Variants in DAG1 observed in about 807,000 individuals in gnomAD.
The protein encoded by DAG1 is dystroglycan 1 (dystrophin-associated glycoprotein 1).
In DAG1, 8 loss-of-function variants were observed where a neutral mutation model predicts 46.1. The ratio of observed to expected loss-of-function variants is 0.17; its 90% confidence interval spans 0.10 to 0.31. DAG1 has a LOEUF of 0.31. Among genes scored for constraint, DAG1 ranks in the 10% least tolerant of loss-of-function variants. DAG1 has a pLI of 1.00. For synonymous variants in DAG1, 495 were observed against 481.8 expected, an observed-to-expected ratio of 1.03 and a Z score of -0.36; for missense variants, 1,003 against 1,189.9, an observed-to-expected ratio of 0.84 and a Z score of 2.31.
intron 1 of DAG1, among the ~76,000 whole-genome samples, chr3:49,475,740 A>G (rs2049665370): frequency 7.1e-6 from 1 of 141,546 alleles, no homozygotes; most frequent in African/African-American, 2.6e-5. Flanking sequence ...TCTGTCACCC[A>G]GGCTGGAGTG....
intron 1 of DAG1, among the ~76,000 whole-genome samples, chr3:49,486,234 T>A (rs559133387): frequency 1.4e-4 from 20 of 137,988 alleles, no homozygotes; most frequent in East Asian, 1.3e-3. Flanking sequence ...TTATTTATTT[T>A]TTGAGACGGA....
At chr3:49,500,315 G>A (rs953992951) in intron 1 of DAG1, among the ~76,000 whole-genome samples, 4 of 152,114 alleles carry the variant, frequency 2.6e-5, no homozygotes, top group African/African-American at 9.7e-5. Flanking sequence ...TACCTGGCCT[G>A]ACATTTTACT....
intron 2 of DAG1, among the ~76,000 whole-genome samples, chr3:49,518,128 C>G (rs1199870234): frequency 6.6e-6 from 1 of 152,066 alleles, no homozygotes; most frequent in Non-Finnish European, 1.5e-5. Flanking sequence ...CCTCCTAAGC[C>G]CCATGTGGGA....
chr3:49,512,833 T>A (rs1035433155), intron 2 of DAG1, among the ~76,000 whole-genome samples: 2 of 151,652 alleles, frequency 1.3e-5, no homozygotes, highest in Middle Eastern at 3.4e-3. Flanking sequence ...TTACAAAAAA[T>A]TTTTTTTAGA....
chr3:49,479,634 T>C (rs930036695), intron 1 of DAG1, among the ~76,000 whole-genome samples: 1 of 113,364 alleles, frequency 8.8e-6, no homozygotes, highest in Non-Finnish European at 1.8e-5. Flanking sequence ...ATTTCTTTTT[T>C]TTTTTTTTTT....
At position 49,533,270 on chromosome 3, in the gene DAG1, C is replaced by T. The variant is rs2051420328; in HGVS notation, c.*71C>T. ...ACGACATGGTGTTGTCTGTGGAGAC[C>T]GGTGGCCTGCAGACCATTGCCCACC... On this transcript the variant is annotated 3_prime_UTR_variant, in exon 3 of 3. Transcript: ENST00000308775. The T allele has an allele frequency of 1.4e-5, 22 of 1,588,866 alleles. No homozygotes were observed. Among genetic ancestry groups the T allele is most frequent in the South Asian group, 2.2e-5 (2 of 89,422 alleles).
rs1195024728 is a variant in DAG1 at position 49,519,499 on chromosome 3, A to G, written c.285+8680A>G. Among the ~76,000 whole-genome samples the G allele has an allele frequency of 6.6e-5, 10 of 152,294 alleles. No individual in the cohort carries two copies. In the South Asian group the frequency reaches 2.1e-3, roughly 32 times the overall value. On this transcript the variant is annotated intron_variant, in intron 2 of 2. Transcript: ENST00000308775. Reference sequence around the variant, plus strand: ...TTGGCTAGGAAGGGGAGTTCATGAAAGGAGCATTTCTTTGGATGCTTGAGA... The same window carrying G: ...TTGGCTAGGAAGGGGAGTTCATGAAGGGAGCATTTCTTTGGATGCTTGAGA...
chr3:49,527,252 C>T (rs570769038), intron 2 of DAG1, among the ~76,000 whole-genome samples: 4 of 150,528 alleles, frequency 2.7e-5, no homozygotes, highest in South Asian at 2.1e-4. Flanking sequence ...TTGCCGGGCG[C>T]GGTGGCTCAC....
In DAG1 at chr3:49,481,988, A is replaced by G. The variant is rs2049893531; in HGVS notation, c.-117+11555A>G. 2.0e-5 allele frequency among the ~76,000 whole-genome samples: 3 copies of G among 152,280 alleles called. No individual in the cohort carries two copies. In the South Asian group the frequency reaches 6.2e-4, roughly 32 times the overall value. On this transcript the variant is annotated intron_variant, in intron 1 of 2. Coordinates refer to ENST00000308775, the MANE Select transcript of DAG1 (RefSeq NM_004393.6). Reference sequence around the variant, plus strand: ...TGAATAAACTTTTATCATCGTCATCATTTCCTAAATGTTAGAACAACTATT... The same window carrying G: ...TGAATAAACTTTTATCATCGTCATCGTTTCCTAAATGTTAGAACAACTATT...
At chr3:49,474,811 T>TG (rs753714395) in intron 1 of DAG1, among the ~76,000 whole-genome samples, 1 of 23,066 alleles carries the variant, frequency 4.3e-5, no homozygotes, top group Non-Finnish European at 1.3e-4. Flanking sequence ...AATTAATTAG[T>TG]TTTTTTTTTT....
At chr3:49,481,007 C>A (rs1285632662) in intron 1 of DAG1, among the ~76,000 whole-genome samples, 8 of 144,446 alleles carry the variant, frequency 5.5e-5, no homozygotes, top group Admixed American at 6.8e-5. Context: ...GTGATCCGCC[C>A]GCTTCGGCCT....
intron 2 of DAG1, among the ~76,000 whole-genome samples, chr3:49,511,327 G>A (rs1216415722): frequency 2.0e-5 from 3 of 152,150 alleles, no homozygotes; most frequent in East Asian, 3.9e-4. Context: ...GCCATCCAGA[G>A]AACAATGGAA....
chr3:49,490,695 G>A (rs1043919312), intron 1 of DAG1, among the ~76,000 whole-genome samples: 2 of 150,888 alleles, frequency 1.3e-5, no homozygotes, highest in African/African-American at 2.4e-5. Context: ...TTAGCCTCCC[G>A]AGTAGCTGAG....
intron 1 of DAG1, among the ~76,000 whole-genome samples, chr3:49,500,255 C>T (rs751128721): frequency 5.3e-5 from 8 of 152,156 alleles, no homozygotes; most frequent in Non-Finnish European, 1.2e-4. Flanking sequence ...TCGTGATCTG[C>T]CCGCCTCAGC....
intron 1 of DAG1, among the ~76,000 whole-genome samples, chr3:49,500,567 G>A (rs369368054): frequency 7.2e-5 from 11 of 152,164 alleles, no homozygotes; most frequent in East Asian, 5.8e-4. Flanking sequence ...CCCACTACTC[G>A]AAAAAGAGCT....
At chr3:49,509,737 G>T (rs1275003888) in intron 1 of DAG1, among the ~76,000 whole-genome samples, 2 of 150,918 alleles carry the variant, frequency 1.3e-5, no homozygotes, top group South Asian at 2.1e-4. Flanking sequence ...ATATTTTATT[G>T]TTTTTTTTTG....
intron 1 of DAG1, among the ~76,000 whole-genome samples, chr3:49,473,084 CAA>C (rs948142633): frequency 4.8e-5 from 7 of 147,022 alleles, no homozygotes; most frequent in African/African-American, 1.3e-4. Context: ...GCCTGGGTGA[CAA>C]GAGCAAAACT....
chr3:49,501,137 A>C (rs574598685), intron 1 of DAG1, among the ~76,000 whole-genome samples: 247 of 152,340 alleles, frequency 1.6e-3, no homozygotes, highest in Non-Finnish European at 2.7e-3. Flanking sequence ...TGCTAAATGC[A>C]GAGCACTTAG....
intron 2 of DAG1, among the ~76,000 whole-genome samples, chr3:49,530,395 G>A (rs1336064430): frequency 6.6e-6 from 1 of 152,188 alleles, no homozygotes; most frequent in Non-Finnish European, 1.5e-5. Context: ...TGAGGCAAGG[G>A]TGGAAAGGAA....
Sources: gnomAD v4.1 joint callset for allele counts (sites outside exome capture counted in the v4.1 genomes callset) on GRCh38, gnomAD v4.1.1 for gene constraint, MANE v1.5 for transcripts, NCBI Gene and HGNC (gene_info 2026-07-23, HGNC 2026-07-21) for gene names.